The following AATF variants were observed in gnomAD, a reference collection of about 807,000 sequenced individuals.
The protein encoded by AATF is protein AATF.
Under a neutral mutation model 63.7 loss-of-function variants are expected in AATF, and 48 were observed. The ratio of observed to expected loss-of-function variants is 0.75; its 90% CI spans 0.60 to 0.96. AATF has a LOEUF of 0.96. Among genes scored for constraint, AATF ranks in the 40% least tolerant of loss-of-function variants. The probability of loss-of-function intolerance (pLI) is 0.00; values close to 1 mark genes in which losing one functional copy is unlikely to be tolerated. For synonymous variants in AATF, 258 were observed against 247.7 expected (o/e 1.04, Z -0.39); for missense variants, 639 against 685.7 (o/e 0.93, Z 0.76).
intron 4 of AATF, among the ~76,000 whole-genome samples, chr17:36,984,994 C>G (rs944989325): frequency 6.6e-6 from 1 of 151,538 alleles, no homozygotes; most frequent in Non-Finnish European, 1.5e-5. Context: ...CTCTGCCTCC[C>G]AGGTTCAAGC....
chr17:36,964,916 G>GCTAC (rs1567967000), intron 4 of AATF, among the ~76,000 whole-genome samples: 1 of 151,922 alleles, frequency 6.6e-6, no homozygotes. Context: ...TCTGGGGAGA[G>GCTAC]CTACCGCTTT....
intron 8 of AATF, among the ~76,000 whole-genome samples, chr17:37,005,840 A>C (rs1351375955): frequency 3.3e-5 from 5 of 152,154 alleles, no homozygotes; most frequent in African/African-American, 1.2e-4. Flanking sequence ...ATTAGAAAGC[A>C]TGGCTTGCTG....
At chr17:37,022,307 A>G (rs950763128) in intron 10 of AATF, among the ~76,000 whole-genome samples, 1 of 152,192 alleles carries the variant, frequency 6.6e-6, no homozygotes, top group African/African-American at 2.4e-5. Flanking sequence ...AATTCCCTTT[A>G]GACAAATGTG....
chr17:37,053,296 C>T (rs556245782), intron 11 of AATF, among the ~76,000 whole-genome samples: 1 of 151,770 alleles, frequency 6.6e-6, no homozygotes, highest in Non-Finnish European at 1.5e-5. Flanking sequence ...TATATTATAT[C>T]ATATTATTAT....
chr17:37,048,578 C>T (rs1034377807), intron 11 of AATF, among the ~76,000 whole-genome samples: 8 of 151,964 alleles, frequency 5.3e-5, no homozygotes, highest in Admixed American at 2.6e-4. Flanking sequence ...TCCATGTTGG[C>T]CATGCTGGTC....
chr17:37,049,822 G>A (rs1449466169), intron 11 of AATF, among the ~76,000 whole-genome samples: 1 of 152,156 alleles, frequency 6.6e-6, no homozygotes, highest in Non-Finnish European at 1.5e-5. Context: ...AGACATTTGG[G>A]AGGCCCTGGG....
intron 8 of AATF, among the ~76,000 whole-genome samples, chr17:36,994,011 G>A (rs886874461): frequency 4.6e-5 from 7 of 152,086 alleles, no homozygotes; most frequent in African/African-American, 1.7e-4. Context: ...ATATATGTAT[G>A]TATATGTGTG....
At chr17:36,969,060 C>G (rs1354402992) in intron 4 of AATF, among the ~76,000 whole-genome samples, 2 of 151,986 alleles carry the variant, frequency 1.3e-5, no homozygotes, top group African/African-American at 2.4e-5. Context: ...TGGTGATCCT[C>G]TGCGGTCTCT....
chr17:36,997,577 G>C (rs2071263954), intron 8 of AATF, among the ~76,000 whole-genome samples: 1 of 152,158 alleles, frequency 6.6e-6, no homozygotes, highest in Admixed American at 6.5e-5. Context: ...AAAAACAGTA[G>C]ATGCTGGTGT....
chr17:37,018,813 G>T, intron 8 of AATF, 192 bp from the exon 9 acceptor site: 1 of 587,262 alleles, frequency 1.7e-6, no homozygotes, highest in South Asian at 2.2e-5. Context: ...TACTGCTATA[G>T]CCACCTTTTT....
intron 8 of AATF, among the ~76,000 whole-genome samples, chr17:37,004,398 T>C (rs1407650695): frequency 3.9e-5 from 6 of 152,082 alleles, no homozygotes; most frequent in Non-Finnish European, 5.9e-5. Flanking sequence ...GGAGGTTTGC[T>C]GTAATGGGAA....
At chr17:37,012,809 T>C (rs1271912460) in intron 8 of AATF, among the ~76,000 whole-genome samples, 2 of 152,212 alleles carry the variant, frequency 1.3e-5, no homozygotes, top group Non-Finnish European at 1.5e-5. Context: ...AAGAATGAAG[T>C]TGGACCCCTA....
chr17:36,991,404 T>C (rs1199912056), intron 8 of AATF, among the ~76,000 whole-genome samples: 2 of 152,176 alleles, frequency 1.3e-5, no homozygotes, highest in African/African-American at 4.8e-5. Context: ...TTGGTAGAAG[T>C]TGAAATATAG....
chr17:37,039,996 G>A (rs1431915292), intron 11 of AATF, among the ~76,000 whole-genome samples: 2 of 152,068 alleles, frequency 1.3e-5, no homozygotes, highest in Admixed American at 6.6e-5. Flanking sequence ...TATTCTCATC[G>A]CTTCTTCAAA....
At chr17:37,035,380 A>G (rs987344348) in intron 11 of AATF, among the ~76,000 whole-genome samples, 3 of 150,870 alleles carry the variant, frequency 2.0e-5, no homozygotes, top group African/African-American at 7.3e-5. Flanking sequence ...CACCATGCAC[A>G]CACGCCCTCC....
intron 11 of AATF, among the ~76,000 whole-genome samples, chr17:37,050,779 C>T (rs1465366026): frequency 6.6e-6 from 1 of 152,150 alleles, no homozygotes; most frequent in African/African-American, 2.4e-5. Context: ...TGCTACAGCA[C>T]TTTTGTGTGC....
At position 36,949,078 on chromosome 17, in the gene AATF, G is replaced by A. The variant is rs1396491323; in HGVS notation, c.-48G>A. 5 of 1,472,912 alleles carry A rather than the reference G, an allele frequency of 3.4e-6. No individual in the cohort carries two copies. The African/African-American group carries it at 7.0e-5, about 21-fold the overall frequency. The allele number at this position is 1,472,912 out of a possible 1,614,324, so 91.2% of individuals were successfully genotyped here. A position where few individuals can be genotyped will look rare whatever the true frequency, so the allele number is the denominator to read the frequency against. Reference sequence around the variant, plus strand: ...AAGGAGCTTCGGGGCCGGGGGTTGGGCCGCACATTTACGTGCGCGAAGCGG... The same window carrying A: ...AAGGAGCTTCGGGGCCGGGGGTTGGACCGCACATTTACGTGCGCGAAGCGG... On this transcript the variant is annotated 5_prime_UTR_variant, in exon 1 of 12. Transcript: ENST00000619387.
intron 11 of AATF, chr17:37,054,993 G>A (rs1272214563): frequency 6.6e-6 from 1 of 152,394 alleles, no homozygotes; most frequent in Non-Finnish European, 1.5e-5. Context: ...TGCTGATTTG[G>A]AAGCCGTGGG....
At chr17:36,952,798 A>C in intron 2 of AATF, 88 bp from the exon 3 acceptor site, 2 of 1,511,982 alleles carry the variant, frequency 1.3e-6, no homozygotes, top group Non-Finnish European at 1.8e-6. Context: ...CCCTGATGCC[A>C]CAGTGCTTAA....
Sources: gnomAD v4.1 joint callset for allele counts (sites outside exome capture counted in the v4.1 genomes callset) on GRCh38, gnomAD v4.1.1 for gene constraint, MANE v1.5 for transcripts, NCBI Gene and HGNC (gene_info 2026-07-23, HGNC 2026-07-21) for gene names.